Variants in DENND5A observed in about 807,000 individuals in gnomAD.
The protein encoded by DENND5A is DENN domain-containing protein 5A.
In DENND5A, 64 loss-of-function variants were observed where a neutral mutation model predicts 140.3. The ratio of observed to expected loss-of-function variants is 0.46; its 90% CI spans 0.37 to 0.56. The LOEUF is 0.56. Among genes scored for constraint, DENND5A ranks in the 20% least tolerant of loss-of-function variants. The pLI is 0.00. For missense variants in DENND5A, 1,292 were observed against 1,593.8 expected, an observed-to-expected ratio of 0.81 and a Z score of 3.22; for synonymous variants, 605 against 607.7, an observed-to-expected ratio of 1.00 and a Z score of 0.07.
chr11:9,172,743 C>G (rs1848412076), intron 8 of DENND5A, among the ~76,000 whole-genome samples: 1 of 152,144 alleles, frequency 6.6e-6, no homozygotes, highest in Non-Finnish European at 1.5e-5. Context: ...ATTACCCAGT[C>G]TTGGGTATTT....
chr11:9,247,013 G>A (rs914331512), intron 1 of DENND5A, among the ~76,000 whole-genome samples: 3 of 152,080 alleles, frequency 2.0e-5, no homozygotes, highest in Non-Finnish European at 2.9e-5. Flanking sequence ...GGCAGATCAC[G>A]AGGTCAGGAG....
chr11:9,250,524 C>T (rs1851674609), intron 1 of DENND5A, among the ~76,000 whole-genome samples: 1 of 152,082 alleles, frequency 6.6e-6, no homozygotes, highest in Non-Finnish European at 1.5e-5. Context: ...AGTTTTCCCA[C>T]ATCTATAATT....
In DENND5A at chr11:9,265,010, G is replaced by A. The variant is rs1248860431; in HGVS notation, c.60C>T (p.Val20=). The A allele has an allele frequency of 6.3e-7, 1 of 1,586,250 alleles. No individual in the cohort carries two copies. The highest frequency in any genetic ancestry group is 8.6e-7 in the Non-Finnish European group (1 of 1,168,934). ...SAPSRFADYF[V]ICGLDTETGL... is the part of the protein sequence containing the mutation. ...CGGTCTCCGTGTCCAGTCCGCAGATGACAAAGTAGTCGGCGAAGCGACTGG... is the reference window on the plus strand; with the variant it reads ...CGGTCTCCGTGTCCAGTCCGCAGATAACAAAGTAGTCGGCGAAGCGACTGG... The change falls in exon 1 of 23, where the codon GTC becomes GTT. Residue 20 remains valine (V), a synonymous_variant. Transcript: ENST00000328194. The surrounding 1 kb of genome is among the most constrained non-coding windows in gnomAD (Gnocchi z 4.7).
intron 12 of DENND5A, among the ~76,000 whole-genome samples, chr11:9,154,131 A>G (rs983704216): frequency 3.3e-5 from 5 of 152,212 alleles, no homozygotes; most frequent in African/African-American, 1.2e-4. Flanking sequence ...CCAGGTCTTG[A>G]GGCTTACTAT....
chr11:9,155,076 G>A (rs755258927), intron 12 of DENND5A, among the ~76,000 whole-genome samples: 22 of 151,864 alleles, frequency 1.4e-4, no homozygotes, highest in Non-Finnish European at 2.5e-4. Context: ...TTGAACCCAG[G>A]AGGCAGAGAT....
chr11:9,185,499 TGCCAACAA>T (rs1328464716), intron 5 of DENND5A, among the ~76,000 whole-genome samples: 1 of 152,132 alleles, frequency 6.6e-6, no homozygotes, highest in Non-Finnish European at 1.5e-5. Flanking sequence ...TTTCTCCCTA[TGCCAACAA>T]GTCATATTCT....
chr11:9,201,414 C>T (rs1343992746), intron 4 of DENND5A, among the ~76,000 whole-genome samples: 3 of 151,436 alleles, frequency 2.0e-5, no homozygotes, highest in East Asian at 1.9e-4. Context: ...GGCACAGTGG[C>T]GCCTGTAATC....
At chr11:9,209,288 A>G (rs1849792217) in intron 1 of DENND5A, among the ~76,000 whole-genome samples, 2 of 152,316 alleles carry the variant, frequency 1.3e-5, no homozygotes, top group South Asian at 4.1e-4. Context: ...GGCTGTAAGG[A>G]GCTCCCTAAG....
At chr11:9,253,688 A>G (rs1851823990) in intron 1 of DENND5A, among the ~76,000 whole-genome samples, 1 of 152,058 alleles carries the variant, frequency 6.6e-6, no homozygotes, top group Non-Finnish European at 1.5e-5. Context: ...AGATCACTTG[A>G]GCCCAGAGGT....
chr11:9,185,674 A>G (rs750177608), intron 5 of DENND5A, among the ~76,000 whole-genome samples: 1 of 152,126 alleles, frequency 6.6e-6, no homozygotes, highest in Admixed American at 6.6e-5. Flanking sequence ...CTTAAGATGT[A>G]TATGTGTCTG....
At chr11:9,202,011 T>C (rs889800311) in intron 4 of DENND5A, among the ~76,000 whole-genome samples, 3 of 152,166 alleles carry the variant, frequency 2.0e-5, no homozygotes, top group Admixed American at 6.5e-5. Context: ...CCTGTAATCA[T>C]GAAAACTGAC....
chr11:9,226,605 T>A (rs987146356), intron 1 of DENND5A, among the ~76,000 whole-genome samples: 10 of 152,114 alleles, frequency 6.6e-5, no homozygotes, highest in African/African-American at 2.4e-4. Flanking sequence ...CACAATAAAG[T>A]TTTCCTTTTT....
chr11:9,176,415 C>T (rs796141967), intron 8 of DENND5A, among the ~76,000 whole-genome samples: 2 of 152,300 alleles, frequency 1.3e-5, no homozygotes, highest in African/African-American at 4.8e-5. Context: ...GAAGTGAACA[C>T]ACTACTTAAT....
intron 8 of DENND5A, 164 bp downstream of exon 8, chr11:9,177,965 GAGA>G (rs1848600452): frequency 6.2e-6 from 4 of 649,174 alleles, no homozygotes; most frequent in East Asian, 2.6e-5. Context: ...GTTAAAGGAT[GAGA>G]AGAAGATAAC....
At chr11:9,195,789 T>C (rs1235092066) in intron 4 of DENND5A, among the ~76,000 whole-genome samples, 1 of 152,132 alleles carries the variant, frequency 6.6e-6, no homozygotes, top group Non-Finnish European at 1.5e-5. Flanking sequence ...GTGTGATAAA[T>C]ATGTATCTAT....
chr11:9,185,885 T>C (rs2136184861), intron 5 of DENND5A, among the ~76,000 whole-genome samples: 1 of 152,154 alleles, frequency 6.6e-6, no homozygotes, highest in Non-Finnish European at 1.5e-5. Context: ...GTTTTCTGGA[T>C]GTTTACGTGT....
intron 1 of DENND5A, among the ~76,000 whole-genome samples, chr11:9,253,663 G>A (rs1220594639): frequency 6.6e-6 from 1 of 152,100 alleles, no homozygotes; most frequent in Non-Finnish European, 1.5e-5. Flanking sequence ...AGCATTTTGG[G>A]AGGCCGAGGT....
intron 4 of DENND5A, among the ~76,000 whole-genome samples, chr11:9,200,158 T>C (rs147316663): frequency 2.6e-5 from 4 of 152,338 alleles, no homozygotes; most frequent in Non-Finnish European, 5.9e-5. Flanking sequence ...GTTCATCATA[T>C]TTGTTTCAAT....
intron 11 of DENND5A, among the ~76,000 whole-genome samples, chr11:9,162,212 C>A (rs1399698210): frequency 6.7e-6 from 1 of 149,406 alleles, no homozygotes; most frequent in Non-Finnish European, 1.5e-5. Context: ...ATCATTATGA[C>A]CAGCGCCAGG....
Sources: gnomAD v4.1 joint callset for allele counts (sites outside exome capture counted in the v4.1 genomes callset) on GRCh38, gnomAD v4.1.1 for gene constraint, Gnocchi (gnomAD v3.1) non-coding constraint, MANE v1.5 for transcripts, NCBI Gene and HGNC (gene_info 2026-07-23, HGNC 2026-07-21) for gene names.